Variants in PRKD1 observed in about 807,000 individuals in gnomAD.
PRKD1 encodes protein kinase D1, also known as serine/threonine-protein kinase D1.
Under a neutral mutation model 95.9 loss-of-function variants are expected in PRKD1, and 63 were observed. The observed-to-expected ratio is 0.66, with a 90% confidence interval of 0.54 to 0.81. The LOEUF (loss-of-function observed/expected upper bound fraction) is 0.81. PRKD1 is among the 30% of genes least tolerant of loss of function. The pLI, the probability that PRKD1 is intolerant of heterozygous loss-of-function variation, is 0.00. For synonymous variants in PRKD1, 425 were observed against 423.1 expected (o/e 1.00, Z -0.05); for missense variants, 1,048 against 1,165.3 (o/e 0.90, Z 1.47).
In PRKD1 at chr14:29,927,149, C is replaced by G. The variant is rs1490094445; in HGVS notation, c.264+100G>C. On this transcript the variant is annotated intron_variant, in intron 1 of 17. Coordinates refer to ENST00000331968, the MANE Select transcript of PRKD1 (RefSeq NM_002742.3). ...AGCGCCGGCGAGGCTGGCGGCCAGC[C>G]GAGCCCCGGGAGCCGGAAAGTTGGC... 91 of 1,240,232 alleles carry G rather than the reference C, an allele frequency of 7.3e-5. 1 individual carries two copies. The highest frequency in any genetic ancestry group is 5.7e-4 in the South Asian group (21 of 36,864). 76.8% of individuals were successfully genotyped at this position (1,240,232 alleles called of 1,614,324 possible).
chr14:29,811,052 T>C (rs1440671258), intron 1 of PRKD1, among the ~76,000 whole-genome samples: 3 of 152,198 alleles, frequency 2.0e-5, no homozygotes, highest in African/African-American at 4.8e-5. Context: ...GCACTGTGTA[T>C]AGTAAATGAT....
intron 2 of PRKD1, among the ~76,000 whole-genome samples, chr14:29,722,228 A>G (rs10145103): frequency 0.32 from 47,966 of 152,102 alleles, 9,196 homozygotes; most frequent in African/African-American, 0.54. Flanking sequence ...AAGAAAGTTC[A>G]GATAAATAAA....
chr14:29,690,862 A>C (rs1884191232), intron 2 of PRKD1, among the ~76,000 whole-genome samples: 1 of 152,116 alleles, frequency 6.6e-6, no homozygotes, highest in Admixed American at 6.5e-5. Context: ...GTCATCCTTC[A>C]GTTTTCAGCT....
intron 11 of PRKD1, among the ~76,000 whole-genome samples, chr14:29,627,582 A>G (rs1292959303): frequency 6.6e-6 from 1 of 152,032 alleles, no homozygotes; most frequent in African/African-American, 2.4e-5. Flanking sequence ...TTTCCCTTAT[A>G]TATTCCTATT....
At chr14:29,826,857 A>ATATATATG (rs1891214102) in intron 1 of PRKD1, among the ~76,000 whole-genome samples, 1 of 99,072 alleles carries the variant, frequency 1.0e-5, no homozygotes, top group Admixed American at 1.2e-4. Flanking sequence ...ATATATATAT[A>ATATATATG]TATATATATA....
At chr14:29,618,011 C>T (rs555317014) in intron 13 of PRKD1, among the ~76,000 whole-genome samples, 19 of 152,140 alleles carry the variant, frequency 1.2e-4, no homozygotes, top group African/African-American at 2.2e-4. Flanking sequence ...AAGGCTGCAG[C>T]GAGCTGTGAT....
chr14:29,615,575 G>A (rs1878799099), intron 13 of PRKD1, among the ~76,000 whole-genome samples: 2 of 152,144 alleles, frequency 1.3e-5, no homozygotes, highest in Admixed American at 6.5e-5. Flanking sequence ...GCTTCTCTTC[G>A]AAGCTCTCCC....
At chr14:29,864,240 CT>C (rs1892807479) in intron 1 of PRKD1, among the ~76,000 whole-genome samples, 1 of 152,014 alleles carries the variant, frequency 6.6e-6, no homozygotes, top group South Asian at 2.1e-4. Flanking sequence ...AACTATATAA[CT>C]GTACAGAAAG....
intron 13 of PRKD1, among the ~76,000 whole-genome samples, chr14:29,602,554 C>T (rs957263215): frequency 1.3e-5 from 2 of 151,818 alleles, no homozygotes; most frequent in Admixed American, 6.6e-5. Flanking sequence ...CTCAGCCTCC[C>T]GGGTAGCTGG....
intron 16 of PRKD1, among the ~76,000 whole-genome samples, chr14:29,589,400 G>A (rs1893047096): frequency 6.6e-6 from 1 of 152,052 alleles, no homozygotes. Context: ...ATATAATCAA[G>A]TCAGCTGTAG....
chr14:29,910,525 T>A (rs886448018), intron 1 of PRKD1, among the ~76,000 whole-genome samples: 1 of 152,144 alleles, frequency 6.6e-6, no homozygotes, highest in Non-Finnish European at 1.5e-5. Flanking sequence ...AATCACATAC[T>A]TAATATCTAT....
rs979557048 is a variant in PRKD1 at position 29,665,995 on chromosome 14, T to A, written c.535+82A>T. The A allele has an allele frequency of 9.2e-6, 13 of 1,415,612 alleles. No individual in the cohort carries two copies. The Admixed American group carries it at 2.7e-4, about 30-fold the overall frequency. The allele number at this position is 1,415,612 out of a possible 1,614,324, so 87.7% of individuals were successfully genotyped here. A position where few individuals can be genotyped will look rare whatever the true frequency, so the allele number is the denominator to read the frequency against. ...GGTTGATGGGCACTTAGCTTTTACG[T>A]ATCTTTGCAATTGTGAATTCTGCTG... On this transcript the variant is annotated intron_variant, in intron 3 of 17. Coordinates refer to ENST00000331968, the MANE Select transcript of PRKD1 (RefSeq NM_002742.3).
intron 13 of PRKD1, among the ~76,000 whole-genome samples, chr14:29,604,511 G>C (rs1287776647): frequency 6.6e-6 from 1 of 152,154 alleles, no homozygotes; most frequent in African/African-American, 2.4e-5. Flanking sequence ...ATGGTATGCA[G>C]ATCAGAAGGA....
chr14:29,756,500 T>C (rs1887704186), intron 1 of PRKD1, among the ~76,000 whole-genome samples: 1 of 152,212 alleles, frequency 6.6e-6, no homozygotes, highest in African/African-American at 2.4e-5. Context: ...ATAAATGCTA[T>C]GTGTAAAAAA....
chr14:29,831,561 C>G (rs1157372137), intron 1 of PRKD1, among the ~76,000 whole-genome samples: 1 of 151,782 alleles, frequency 6.6e-6, no homozygotes, highest in Admixed American at 6.6e-5. Context: ...CTCCATCTCC[C>G]AGGTTCAAGC....
rs1895350008 is a variant in PRKD1 at position 29,927,459 on chromosome 14, C to G, written c.54G>C (p.Ala18=). 7.7e-7 allele frequency: 1 copy of G among 1,298,196 alleles called. No individual in the cohort carries two copies. Among genetic ancestry groups the G allele is most frequent in the East Asian group, 3.3e-5 (1 of 30,220 alleles). The allele number at this position is 1,298,196 out of a possible 1,614,324, so 80.4% of individuals were successfully genotyped here. Reference sequence around the variant, plus strand: ...GTGCGGCGGCCGCTGCGGCAGCTGCCGCCGCCACGGGCAGCAGCGGACTGG... The same window carrying G: ...GTGCGGCGGCCGCTGCGGCAGCTGCGGCCGCCACGGGCAGCAGCGGACTGG... ...RPPSPLLPVA[A]AAAAAAAALV... Residue 18 remains alanine (A), a synonymous_variant, in exon 1 of 18, where the codon GCG becomes GCC. Coordinates refer to ENST00000331968, the MANE Select transcript of PRKD1 (RefSeq NM_002742.3).
intron 1 of PRKD1, among the ~76,000 whole-genome samples, chr14:29,793,077 C>T (rs1889619396): frequency 6.6e-6 from 1 of 151,812 alleles, no homozygotes; most frequent in South Asian, 2.1e-4. Flanking sequence ...TTAGTGCTGC[C>T]AAAATTGGAG....
chr14:29,919,824 G>A (rs1362041770), intron 1 of PRKD1, among the ~76,000 whole-genome samples: 1 of 152,068 alleles, frequency 6.6e-6, no homozygotes, highest in Non-Finnish European at 1.5e-5. Context: ...AAATCATCCA[G>A]GCGTGGTGGC....
chr14:29,680,470 A>G (rs545280217), intron 2 of PRKD1, among the ~76,000 whole-genome samples: 1 of 152,302 alleles, frequency 6.6e-6, no homozygotes, highest in East Asian at 1.9e-4. Flanking sequence ...AAGAAAGAAA[A>G]AAACCTACAA....
Sources: allele counts gnomAD v4.1 joint callset (sites outside exome capture counted in the v4.1 genomes callset), GRCh38; gene constraint gnomAD v4.1.1; transcripts MANE v1.5; gene names NCBI Gene and HGNC (gene_info 2026-07-23, HGNC 2026-07-21).